SUGCT: variants seen among roughly 807,000 people sequenced by gnomAD.
SUGCT encodes succinyl-CoA:glutarate CoA-transferase.
SUGCT carries 41 observed loss-of-function variants against 55.0 expected under a neutral mutation model. That is an observed-to-expected ratio of 0.74 (90% CI 0.58 to 0.97). The LOEUF is 0.97. Ranked by LOEUF, SUGCT falls within the 50% of genes least tolerant of loss-of-function variation. SUGCT has a pLI of 0.00. For missense variants in SUGCT, 568 were observed against 547.8 expected (o/e 1.04, Z -0.37); for synonymous variants, 187 against 200.4 (o/e 0.93, Z 0.56).
intron 9 of SUGCT, among the ~76,000 whole-genome samples, chr7:40,323,192 C>T (rs2151127814): frequency 6.6e-6 from 1 of 152,192 alleles, no homozygotes; most frequent in Middle Eastern, 3.4e-3. Context: ...ACCCTTGCAA[C>T]AGTCCACCCT....
intron 12 of SUGCT, among the ~76,000 whole-genome samples, chr7:40,554,077 C>A (rs545901609): frequency 1.3e-5 from 2 of 152,290 alleles, no homozygotes; most frequent in East Asian, 3.9e-4. Flanking sequence ...TGAATCCTGG[C>A]TTTTCTACTT....
At chr7:40,468,716 A>G (rs1583761288) in intron 11 of SUGCT, among the ~76,000 whole-genome samples, 1 of 139,690 alleles carries the variant, frequency 7.2e-6, no homozygotes, top group Admixed American at 7.2e-5. Context: ...ACCATTAAAG[A>G]TTTTGTGGGG....
intron 12 of SUGCT, among the ~76,000 whole-genome samples, chr7:40,604,655 C>T (rs1233781087): frequency 6.6e-6 from 1 of 152,134 alleles, no homozygotes; most frequent in Non-Finnish European, 1.5e-5. Flanking sequence ...TTGATCGTCC[C>T]TTATTCACTT....
chr7:40,650,646 A>G (rs1221237764), intron 12 of SUGCT, among the ~76,000 whole-genome samples: 2 of 152,204 alleles, frequency 1.3e-5, no homozygotes, highest in Admixed American at 6.5e-5. Context: ...TGCAAAGGAT[A>G]TTGCTAAGAA....
At chr7:40,353,941 G>A (rs1051701699) in intron 9 of SUGCT, among the ~76,000 whole-genome samples, 1 of 152,084 alleles carries the variant, frequency 6.6e-6, no homozygotes, top group African/African-American at 2.4e-5. Context: ...GAGAGTCTGA[G>A]AAAGAATTTT....
chr7:40,690,127 C>A (rs1784629771), intron 12 of SUGCT, among the ~76,000 whole-genome samples: 2 of 152,048 alleles, frequency 1.3e-5, no homozygotes, highest in African/African-American at 2.4e-5. Context: ...ATAGTTGAGC[C>A]CCTTATTGTT....
chr7:40,503,402 A>G (rs1309678208), intron 12 of SUGCT, among the ~76,000 whole-genome samples: 4 of 152,184 alleles, frequency 2.6e-5, no homozygotes, highest in South Asian at 2.1e-4. Context: ...TTGTATGTTT[A>G]AATATAAGTA....
At chr7:40,455,875 G>A (rs571452690) in intron 10 of SUGCT, among the ~76,000 whole-genome samples, 35 of 152,244 alleles carry the variant, frequency 2.3e-4, no homozygotes, top group African/African-American at 8.4e-4. Flanking sequence ...CTTAACATGT[G>A]TTGTGCCAGT....
chr7:40,659,971 C>G (rs886951801), intron 12 of SUGCT, among the ~76,000 whole-genome samples: 1 of 152,126 alleles, frequency 6.6e-6, no homozygotes, highest in Non-Finnish European at 1.5e-5. Flanking sequence ...TGTGAGGCCA[C>G]TACATCTAAG....
chr7:40,438,207 C>T (rs1051838033), intron 9 of SUGCT, among the ~76,000 whole-genome samples: 3 of 152,246 alleles, frequency 2.0e-5, no homozygotes, highest in African/African-American at 2.4e-5. Flanking sequence ...CTCAATTCCC[C>T]GCCTTCACAT....
chr7:40,867,158 A>G, the SUGCT span, among the ~76,000 whole-genome samples: 6 of 148,798 alleles, frequency 4.0e-5, no homozygotes, highest in African/African-American at 7.3e-5. Flanking sequence ...ATAAAATAAG[A>G]TTAATATATA....
At chr7:40,414,871 C>T (rs988904581) in intron 9 of SUGCT, among the ~76,000 whole-genome samples, 13 of 151,862 alleles carry the variant, frequency 8.6e-5, no homozygotes, top group African/African-American at 4.8e-5. Flanking sequence ...GGTGAAATCC[C>T]GTCTCTACTA....
Position 40,274,510 on chromosome 7 carries a change from C to G in SUGCT, c.577-3C>G. 1 of 1,610,110 alleles carries G rather than the reference C, an allele frequency of 6.2e-7. No homozygotes were observed. The highest frequency in any genetic ancestry group is 8.5e-7 in the Non-Finnish European group (1 of 1,178,750). ...TTCTTTCTCAACCCAACCTTCAAAT[C>G]AGAATGGAGATCCAGTTCGCCCAGG... On this transcript the variant is annotated splice_polypyrimidine_tract_variant and splice_region_variant and intron_variant, in intron 7 of 13. Transcript: ENST00000335693.
At chr7:40,754,342 TAATGATAGA>T (rs1297784039) in intron 13 of SUGCT, among the ~76,000 whole-genome samples, 1 of 152,204 alleles carries the variant, frequency 6.6e-6, no homozygotes, top group African/African-American at 2.4e-5. Flanking sequence ...ACCATTAGCT[TAATGATAGA>T]AGTGTCAGCA....
At chr7:40,266,118 G>A (rs1273835295) in intron 7 of SUGCT, among the ~76,000 whole-genome samples, 1 of 145,902 alleles carries the variant, frequency 6.9e-6, no homozygotes, top group Non-Finnish European at 1.5e-5. Context: ...GGAATTTCAG[G>A]TTTTACTTTT....
the SUGCT span, among the ~76,000 whole-genome samples, chr7:41,020,800 A>G: frequency 6.6e-6 from 1 of 152,238 alleles, no homozygotes; most frequent in Admixed American, 6.5e-5. Context: ...GTAACAGTTT[A>G]TAAAACATAT....
At chr7:40,312,810 T>C (rs1562669848) in intron 8 of SUGCT, among the ~76,000 whole-genome samples, 2 of 152,212 alleles carry the variant, frequency 1.3e-5, no homozygotes, top group Non-Finnish European at 2.9e-5. Flanking sequence ...TCAGTTCACC[T>C]TAGCTGTAGG....
intron 12 of SUGCT, among the ~76,000 whole-genome samples, chr7:40,741,780 A>G (rs1787473318): frequency 6.6e-6 from 1 of 152,230 alleles, no homozygotes; most frequent in Non-Finnish European, 1.5e-5. Context: ...ATGCCTCAGA[A>G]TGGGTGAATC....
chr7:40,433,024 A>G (rs916524202), intron 9 of SUGCT, among the ~76,000 whole-genome samples: 1 of 151,460 alleles, frequency 6.6e-6, no homozygotes, highest in African/African-American at 2.4e-5. Flanking sequence ...CCTTGATGTG[A>G]TAATTTACAA....
Sources: allele counts gnomAD v4.1 joint callset (sites outside exome capture counted in the v4.1 genomes callset), GRCh38; gene constraint gnomAD v4.1.1; transcripts MANE v1.5; gene names NCBI Gene and HGNC (gene_info 2026-07-23, HGNC 2026-07-21).